Variants in ATF1 observed in about 807,000 individuals in gnomAD.
ATF1 encodes the protein cyclic AMP-dependent transcription factor ATF-1.
In ATF1, 16 loss-of-function variants were observed where a neutral mutation model predicts 34.7. The ratio of observed to expected loss-of-function variants is 0.46; its 90% CI spans 0.31 to 0.70. The LOEUF (loss-of-function observed/expected upper bound fraction) is 0.70. Among genes scored for constraint, ATF1 ranks in the 30% least tolerant of loss-of-function variants. The probability of loss-of-function intolerance (pLI) is 0.05; values close to 1 mark genes in which losing one functional copy is unlikely to be tolerated. For synonymous variants in ATF1, 105 were observed against 113.1 expected, an observed-to-expected ratio of 0.93 and a Z score of 0.46; for missense variants, 255 against 321.6, an observed-to-expected ratio of 0.79 and a Z score of 1.58.
At chr12:50,771,617 T>G (rs1452026619) in intron 1 of ATF1, among the ~76,000 whole-genome samples, 1 of 151,978 alleles carries the variant, frequency 6.6e-6, no homozygotes, top group Non-Finnish European at 1.5e-5. Flanking sequence ...GTCAGAGGCG[T>G]ATGAACCAGA....
chr12:50,784,576 A>G (rs1213113820), intron 2 of ATF1, among the ~76,000 whole-genome samples: 1 of 152,174 alleles, frequency 6.6e-6, no homozygotes, highest in African/African-American at 2.4e-5. Context: ...GGAGAGTGCC[A>G]GATAATGTAG....
chr12:50,798,737 A>C (rs1251981133), intron 3 of ATF1, among the ~76,000 whole-genome samples: 1 of 152,218 alleles, frequency 6.6e-6, no homozygotes, highest in African/African-American at 2.4e-5. Flanking sequence ...TTCACTCAAA[A>C]ATCATCAAAC....
At chr12:50,797,712 C>T (rs1484878304) in intron 3 of ATF1, among the ~76,000 whole-genome samples, 4 of 152,060 alleles carry the variant, frequency 2.6e-5, no homozygotes, top group Admixed American at 2.6e-4. Flanking sequence ...CTCAAGTGAT[C>T]CTCCCACCTC....
intron 4 of ATF1, among the ~76,000 whole-genome samples, chr12:50,811,088 G>T (rs780181508): frequency 6.6e-6 from 1 of 152,112 alleles, no homozygotes; most frequent in Non-Finnish European, 1.5e-5. Flanking sequence ...ACACGAGCTT[G>T]TTTCTGCCTC....
chr12:50,818,122 A>G lies in ATF1; in HGVS notation c.672-1513A>G, dbSNP rs145575527. Among the ~76,000 whole-genome samples the G allele has an allele frequency of 2.6e-5, 4 of 152,208 alleles. No homozygotes were observed. In the East Asian group the frequency reaches 7.7e-4, roughly 29 times the overall value. On this transcript the variant is annotated intron_variant, in intron 6 of 6. Coordinates refer to ENST00000262053, the MANE Select transcript of ATF1 (RefSeq NM_005171.5). Reference sequence around the variant, plus strand: ...TGACTTTAAGTGAATATAGCTTGTGATCCTTCAAGAAATACATGTGTAGAA... The same window carrying G: ...TGACTTTAAGTGAATATAGCTTGTGGTCCTTCAAGAAATACATGTGTAGAA...
intron 2 of ATF1, among the ~76,000 whole-genome samples, chr12:50,782,856 A>C (rs1941100576): frequency 6.6e-6 from 1 of 151,540 alleles, no homozygotes; most frequent in African/African-American, 2.4e-5. Flanking sequence ...CGACCAGCTA[A>C]TTTGTGTATT....
At chr12:50,769,822 A>C (rs953377960) in intron 1 of ATF1, among the ~76,000 whole-genome samples, 2 of 152,212 alleles carry the variant, frequency 1.3e-5, no homozygotes, top group Non-Finnish European at 2.9e-5. Context: ...TCAGCTATAG[A>C]ACTCTAGCAG....
intron 3 of ATF1, among the ~76,000 whole-genome samples, chr12:50,808,787 T>G (rs1285632785): frequency 4.0e-5 from 6 of 150,970 alleles, no homozygotes; most frequent in African/African-American, 1.5e-4. Flanking sequence ...TCGCCCAGGC[T>G]GGAGTGCAGT....
At chr12:50,819,157 G>A (rs955643336) in intron 6 of ATF1, among the ~76,000 whole-genome samples, 13 of 152,124 alleles carry the variant, frequency 8.5e-5, no homozygotes, top group African/African-American at 2.9e-4. Flanking sequence ...TAGAAACATC[G>A]CAAGAGACTG....
intron 1 of ATF1, among the ~76,000 whole-genome samples, chr12:50,766,709 C>T (rs1940645124): frequency 6.7e-6 from 1 of 148,908 alleles, no homozygotes; most frequent in Admixed American, 6.8e-5. Context: ...GGAAAAGGTC[C>T]CTTTGCTGCG....
chr12:50,814,274 A>G lies in ATF1; in HGVS notation c.512-6A>G, dbSNP rs750462212. ...ACTAACTCATTCACTCTTGTTTACCATCTAGCTGCATCAGGAGATATGCAA... is the reference window on the plus strand; with the variant it reads ...ACTAACTCATTCACTCTTGTTTACCGTCTAGCTGCATCAGGAGATATGCAA... On this transcript the variant is annotated splice_polypyrimidine_tract_variant and splice_region_variant and intron_variant, in intron 5 of 6. Coordinates refer to ENST00000262053, the MANE Select transcript of ATF1 (RefSeq NM_005171.5). 1 of 1,614,136 alleles carries G rather than the reference A, an allele frequency of 6.2e-7. No individual in the cohort carries two copies. The highest frequency in any genetic ancestry group is 8.5e-7 in the Non-Finnish European group (1 of 1,180,000).
At chr12:50,808,752 T>G (rs1941669821) in intron 3 of ATF1, among the ~76,000 whole-genome samples, 1 of 144,238 alleles carries the variant, frequency 6.9e-6, no homozygotes, top group Non-Finnish European at 1.6e-5. Flanking sequence ...AATTTTTTTT[T>G]TTTTTGAGGC....
chr12:50,812,908 G>T (rs867085131), intron 4 of ATF1, among the ~76,000 whole-genome samples: 1 of 152,040 alleles, frequency 6.6e-6, no homozygotes, highest in Non-Finnish European at 1.5e-5. Context: ...CAGTTGGGGA[G>T]GGATAATTAT....
At position 50,788,326 on chromosome 12, in the gene ATF1, G is replaced by T. The variant is rs60010120; in HGVS notation, c.94-7583G>T. 3,024 of 414,442 alleles carry T rather than the reference G, an allele frequency of 7.3e-3. 91 individuals carry two copies. Among genetic ancestry groups the T allele is most frequent in the African/African-American group, 0.058 (2,797 of 47,842 alleles). 25.7% of individuals were successfully genotyped at this position (414,442 alleles called of 1,614,324 possible). ...GCTCCCCAAGTAGCAGGGACCACAG[G>T]TGTGTGCCATCACATCCGGCTAAAC... is the stretch of plus-strand genomic sequence containing the variant. On this transcript the variant is annotated intron_variant, in intron 2 of 6. Coordinates refer to ENST00000262053, the MANE Select transcript of ATF1 (RefSeq NM_005171.5).
intron 2 of ATF1, among the ~76,000 whole-genome samples, chr12:50,787,973 C>CTG (rs1327010041): frequency 1.3e-5 from 2 of 152,082 alleles, no homozygotes; most frequent in Non-Finnish European, 2.9e-5. Flanking sequence ...GATGGGATTA[C>CTG]TGAGAGGTAA....
intron 2 of ATF1, among the ~76,000 whole-genome samples, chr12:50,786,997 G>C (rs957305645): frequency 9.9e-5 from 15 of 152,128 alleles, no homozygotes; most frequent in Non-Finnish European, 2.1e-4. Flanking sequence ...TCATACTAGA[G>C]GAATTTGAAG....
intron 3 of ATF1, chr12:50,806,426 A>G (rs920113040): frequency 4.0e-5 from 19 of 474,880 alleles, no homozygotes; most frequent in Non-Finnish European, 6.6e-5. Flanking sequence ...GTTCCCATCA[A>G]CACCAGGTTC....
At chr12:50,768,332 A>C (rs956511744) in intron 1 of ATF1, among the ~76,000 whole-genome samples, 1 of 152,224 alleles carries the variant, frequency 6.6e-6, no homozygotes, top group Non-Finnish European at 1.5e-5. Flanking sequence ...ACCTTTGATA[A>C]AATTCAAAAG....
chr12:50,813,904 G>A (rs1169215079), intron 4 of ATF1, 106 bp from the exon 5 acceptor site: 7 of 1,050,888 alleles, frequency 6.7e-6, no homozygotes, highest in Non-Finnish European at 9.6e-6. Flanking sequence ...AAGTAGAAGT[G>A]CATTCATACC....
Sources: gnomAD v4.1 joint callset for allele counts (sites outside exome capture counted in the v4.1 genomes callset) on GRCh38, gnomAD v4.1.1 for gene constraint, MANE v1.5 for transcripts, NCBI Gene and HGNC (gene_info 2026-07-23, HGNC 2026-07-21) for gene names.